KSR2: variants seen among roughly 807,000 people sequenced by gnomAD.
The protein encoded by KSR2 is kinase suppressor of ras 2.
In KSR2, 25 loss-of-function variants were observed where a neutral mutation model predicts 107.8. That is an observed-to-expected ratio of 0.23 (90% CI 0.17 to 0.32). The LOEUF (loss-of-function observed/expected upper bound fraction) is 0.32, where lower values mean the gene tolerates loss of function less well. Ranked by LOEUF, KSR2 falls within the 10% of genes least tolerant of loss-of-function variation. The pLI, the probability that KSR2 is intolerant of heterozygous loss-of-function variation, is 1.00. For missense variants in KSR2, 887 were observed against 1,268.9 expected (o/e 0.70, Z 4.57); for synonymous variants, 480 against 507.0 (o/e 0.95, Z 0.71).
intron 5 of KSR2, among the ~76,000 whole-genome samples, chr12:117,657,880 T>C (rs1218635315): frequency 6.6e-6 from 1 of 152,212 alleles, no homozygotes; most frequent in African/African-American, 2.4e-5. Context: ...GAACTGATAT[T>C]AGAGGAATGA....
chr12:117,729,748 A>T (rs1887584495), intron 4 of KSR2, among the ~76,000 whole-genome samples: 1 of 152,154 alleles, frequency 6.6e-6, no homozygotes, highest in Non-Finnish European at 1.5e-5. Context: ...GCCTTTAACA[A>T]TGTGCCCAGT....
At chr12:117,494,652 A>G (rs1301335929) in intron 14 of KSR2, among the ~76,000 whole-genome samples, 2 of 152,176 alleles carry the variant, frequency 1.3e-5, no homozygotes, top group Non-Finnish European at 2.9e-5. Flanking sequence ...CTAGTCCTTA[A>G]TCCTACAAGC....
chr12:117,567,789 T>A (rs1878612014), intron 7 of KSR2, among the ~76,000 whole-genome samples: 4 of 151,620 alleles, frequency 2.6e-5, no homozygotes, highest in Admixed American at 2.6e-4. Context: ...TTTGAGCCAA[T>A]GCTTCTAGAA....
intron 1 of KSR2, among the ~76,000 whole-genome samples, chr12:117,936,408 C>T (rs1329589601): frequency 1.3e-5 from 2 of 151,832 alleles, no homozygotes; most frequent in African/African-American, 4.8e-5. Flanking sequence ...CTCACTGCAG[C>T]TGCAAATTCC....
chr12:117,695,035 G>A (rs1885994576), intron 4 of KSR2, among the ~76,000 whole-genome samples: 1 of 151,932 alleles, frequency 6.6e-6, no homozygotes, highest in African/African-American at 2.4e-5. Flanking sequence ...ATTTTTAGTA[G>A]AGACAGGGTT....
chr12:117,816,244 C>A lies in KSR2; in HGVS notation c.472+39184G>T, dbSNP rs1408151896. Among the ~76,000 whole-genome samples the A allele has an allele frequency of 2.0e-5, 3 of 152,044 alleles. No homozygotes were observed. The South Asian group carries it at 6.2e-4, about 32-fold the overall frequency. On this transcript the variant is annotated intron_variant, in intron 3 of 19. Transcript: ENST00000339824. ...GGATCACACACTGTTGGAGCCCAACCACCATGCTGTGAGGAAGCCCAAGCA... is the reference window on the plus strand; with the variant it reads ...GGATCACACACTGTTGGAGCCCAACAACCATGCTGTGAGGAAGCCCAAGCA...
intron 5 of KSR2, among the ~76,000 whole-genome samples, chr12:117,636,822 G>A (rs1201119842): frequency 6.6e-6 from 1 of 152,064 alleles, no homozygotes; most frequent in Non-Finnish European, 1.5e-5. Flanking sequence ...CTGCATTAAC[G>A]TTAAGAACCC....
At chr12:117,914,920 C>T (rs1307776720) in intron 1 of KSR2, among the ~76,000 whole-genome samples, 1 of 152,148 alleles carries the variant, frequency 6.6e-6, no homozygotes, top group African/African-American at 2.4e-5. Context: ...CTATGAAAGA[C>T]TGTAGGGAGC....
At chr12:117,551,024 A>G (rs564601859) in intron 9 of KSR2, among the ~76,000 whole-genome samples, 55 of 152,282 alleles carry the variant, frequency 3.6e-4, no homozygotes, top group Middle Eastern at 3.4e-3. Flanking sequence ...ACCAACCAAC[A>G]AAAGCAAACC....
At chr12:117,875,034 G>A (rs1893790842) in intron 1 of KSR2, among the ~76,000 whole-genome samples, 1 of 152,144 alleles carries the variant, frequency 6.6e-6, no homozygotes, top group African/African-American at 2.4e-5. Context: ...GGGGCAGCCT[G>A]GCACCTTCCA....
chr12:117,572,483 G>A (rs1878955869), intron 7 of KSR2, among the ~76,000 whole-genome samples: 2 of 152,066 alleles, frequency 1.3e-5, no homozygotes, highest in South Asian at 4.2e-4. Flanking sequence ...CAGTGACTGT[G>A]AGCATCTCGA....
intron 14 of KSR2, among the ~76,000 whole-genome samples, chr12:117,521,720 A>T (rs1874769665): frequency 6.6e-6 from 1 of 152,252 alleles, no homozygotes; most frequent in African/African-American, 2.4e-5. Context: ...CCAGGTAATT[A>T]TCTGGTCTTA....
intron 4 of KSR2, among the ~76,000 whole-genome samples, chr12:117,712,431 G>A (rs951659124): frequency 7.9e-5 from 12 of 152,098 alleles, no homozygotes; most frequent in Non-Finnish European, 1.2e-4. Flanking sequence ...ACCCTCAGCC[G>A]TGACAGAAAC....
chr12:117,708,852 C>G (rs144133269), intron 4 of KSR2, among the ~76,000 whole-genome samples: 90 of 152,298 alleles, frequency 5.9e-4, no homozygotes, highest in African/African-American at 1.9e-3. Context: ...TGTAACAAAT[C>G]ACCACAACAG....
rs537997577 is a variant in KSR2, at chr12:117,688,273, G to C, written c.987-20615C>G. ...TGGGTGCCTGCAATCCCAGCTACTT[G>C]GGAGGCTGAGGCGGGAGAATCGCTT... On this transcript the variant is annotated intron_variant, in intron 4 of 19. Coordinates refer to ENST00000339824, the MANE Select transcript of KSR2 (RefSeq NM_173598.6). 1.4e-4 allele frequency among the ~76,000 whole-genome samples: 22 copies of C among 152,320 alleles called. No homozygotes were observed. The East Asian group carries it at 4.1e-3, about 28-fold the overall frequency.
At chr12:117,780,071 T>C (rs907695512) in intron 3 of KSR2, among the ~76,000 whole-genome samples, 5 of 152,176 alleles carry the variant, frequency 3.3e-5, no homozygotes, top group Non-Finnish European at 7.3e-5. Flanking sequence ...ATACAGCTCA[T>C]TAATAATTTT....
intron 3 of KSR2, among the ~76,000 whole-genome samples, chr12:117,784,597 A>G (rs550022412): frequency 1.2e-4 from 19 of 152,010 alleles, no homozygotes; most frequent in African/African-American, 3.6e-4. Context: ...AGTGTCTGCT[A>G]TTTGCATCAT....
chr12:117,740,719 T>C (rs1888188933), intron 4 of KSR2, among the ~76,000 whole-genome samples: 1 of 149,940 alleles, frequency 6.7e-6, no homozygotes, highest in East Asian at 1.9e-4. Flanking sequence ...ACTCATCGAT[T>C]GATAAGCATT....
chr12:117,936,582 G>C (rs531764649), intron 1 of KSR2, among the ~76,000 whole-genome samples: 1 of 145,960 alleles, frequency 6.9e-6, no homozygotes, highest in Non-Finnish European at 1.5e-5. Context: ...GTAGAGACAG[G>C]GTCTCGCTTT....
Sources: gnomAD v4.1 joint callset for allele counts (sites outside exome capture counted in the v4.1 genomes callset) on GRCh38, gnomAD v4.1.1 for gene constraint, MANE v1.5 for transcripts, NCBI Gene and HGNC (gene_info 2026-07-23, HGNC 2026-07-21) for gene names.